Variants in PHACTR1 observed in about 807,000 individuals in gnomAD.
PHACTR1 encodes the protein RPEL repeat containing 1.
PHACTR1 carries 16 observed loss-of-function variants against 69.2 expected under a neutral mutation model. That is an observed-to-expected ratio of 0.23 (90% CI 0.16 to 0.35). The LOEUF (loss-of-function observed/expected upper bound fraction) is 0.35. Among genes scored for constraint, PHACTR1 ranks in the 10% least tolerant of loss-of-function variants. The pLI is 1.00. For synonymous variants in PHACTR1, 312 were observed against 284.5 expected, an observed-to-expected ratio of 1.10 and a Z score of -0.97; for missense variants, 510 against 734.7, an observed-to-expected ratio of 0.69 and a Z score of 3.54.
At chr6:13,196,165 CAAG>C (rs754298009) in intron 7 of PHACTR1, among the ~76,000 whole-genome samples, 17 of 152,158 alleles carry the variant, frequency 1.1e-4, no homozygotes, top group Non-Finnish European at 2.2e-4. Flanking sequence ...ATTAGAAAGG[CAAG>C]AAGTAGTGTG....
In PHACTR1 at chr6:12,718,722, ACT is replaced by A. The variant is rs1418664842; in HGVS notation, c.-20_-19del. 2.2e-6 allele frequency: 3 copies of A among 1,385,654 alleles called. No homozygotes were observed. Among genetic ancestry groups the A allele is most frequent in the South Asian group, 2.8e-5 (2 of 72,060 alleles). 85.8% of individuals were successfully genotyped at this position (1,385,654 alleles called of 1,614,324 possible). On this transcript the variant is annotated 5_prime_UTR_variant, in exon 3 of 15. Transcript: ENST00000332995. ...AGGTGTTCCAGTGTTTTCTCTCAAAACTCTGTGTTTGGAACATCAAGGATGGA... is the reference window on the plus strand; with the variant it reads ...AGGTGTTCCAGTGTTTTCTCTCAAAACTGTGTTTGGAACATCAAGGATGGA...
chr6:13,211,456 C>T (rs1411334250), intron 8 of PHACTR1, among the ~76,000 whole-genome samples: 3 of 152,104 alleles, frequency 2.0e-5, no homozygotes, highest in Non-Finnish European at 2.9e-5. Flanking sequence ...GATCTTAATT[C>T]GGCTGATCTC....
chr6:12,730,414 T>C (rs1326744415), intron 3 of PHACTR1, among the ~76,000 whole-genome samples: 1 of 152,140 alleles, frequency 6.6e-6, no homozygotes, highest in African/African-American at 2.4e-5. Flanking sequence ...TGGCTTGTAT[T>C]TTTATAATAA....
At chr6:12,764,994 CT>C (rs1176816242) in intron 4 of PHACTR1, among the ~76,000 whole-genome samples, 1 of 152,024 alleles carries the variant, frequency 6.6e-6, no homozygotes. Flanking sequence ...AGTTTATTAT[CT>C]TTCTGAATGG....
intron 4 of PHACTR1, among the ~76,000 whole-genome samples, chr6:12,945,862 G>T (rs1582633280): frequency 6.6e-6 from 1 of 152,102 alleles, no homozygotes; most frequent in Non-Finnish European, 1.5e-5. Flanking sequence ...TACTCAGGAG[G>T]TTGAGGCAGG....
intron 4 of PHACTR1, among the ~76,000 whole-genome samples, chr6:12,931,876 C>G (rs570285136): frequency 3.0e-4 from 45 of 151,926 alleles, no homozygotes; most frequent in African/African-American, 9.9e-4. Context: ...CAGGCCAATA[C>G]CTTGGTACTC....
intron 5 of PHACTR1, among the ~76,000 whole-genome samples, chr6:13,136,375 A>G (rs1488934548): frequency 6.6e-6 from 1 of 152,178 alleles, no homozygotes; most frequent in Non-Finnish European, 1.5e-5. Flanking sequence ...TTTCTTCCAC[A>G]GCTTCCTCAC....
chr6:12,787,932 G>T (rs148866962), intron 4 of PHACTR1, among the ~76,000 whole-genome samples: 2 of 152,238 alleles, frequency 1.3e-5, no homozygotes, highest in African/African-American at 4.8e-5. Flanking sequence ...TGAGGCTGGC[G>T]GATCACCTGA....
Position 12,807,828 on chromosome 6 carries a change from G to C in PHACTR1, c.250+58038G>C, listed in dbSNP as rs557376438. On this transcript the variant is annotated intron_variant, in intron 4 of 14. Transcript: ENST00000332995. The stretch of plus-strand genomic sequence containing the variant: ...TATTTGTTACCCTGAACACCCAATA[G>C]CATTGTGATAGCTTTAAAGGCTGAA... Among the ~76,000 whole-genome samples, 6 of 152,256 alleles carry C rather than the reference G, an allele frequency of 3.9e-5. No homozygotes were observed. The East Asian group carries it at 1.2e-3, about 29-fold the overall frequency.
intron 4 of PHACTR1, among the ~76,000 whole-genome samples, chr6:12,816,802 A>C (rs907886683): frequency 2.0e-5 from 3 of 152,240 alleles, no homozygotes; most frequent in Admixed American, 2.0e-4. Flanking sequence ...TCCCATTTTG[A>C]GGAAGATGAC....
intron 10 of PHACTR1, among the ~76,000 whole-genome samples, chr6:13,231,043 G>GA (rs1262530298): frequency 4.2e-5 from 3 of 71,756 alleles, no homozygotes; most frequent in East Asian, 4.7e-4. Context: ...GAGAGAGAGA[G>GA]AAAGGAAGGA....
chr6:12,959,202 A>AAAAAAAAAG (rs1792352887), intron 4 of PHACTR1, among the ~76,000 whole-genome samples: 1 of 69,102 alleles, frequency 1.4e-5, no homozygotes, highest in Non-Finnish European at 2.7e-5. Flanking sequence ...AAAAGAAAAG[A>AAAAAAAAAG]AAAAAAAAAG....
chr6:12,893,153 ACT>A (rs2127471147), intron 4 of PHACTR1, among the ~76,000 whole-genome samples: 1 of 152,168 alleles, frequency 6.6e-6, no homozygotes, highest in South Asian at 2.1e-4. Context: ...TACAAACATG[ACT>A]CTCTGATTCT....
chr6:13,277,158 A>G (rs926303409), intron 11 of PHACTR1, among the ~76,000 whole-genome samples: 3 of 152,240 alleles, frequency 2.0e-5, no homozygotes, highest in Non-Finnish European at 4.4e-5. Context: ...CAGGTCATCC[A>G]GTTAGCTTAA....
intron 5 of PHACTR1, among the ~76,000 whole-genome samples, chr6:13,073,207 A>G (rs1809804925): frequency 7.2e-6 from 1 of 139,132 alleles, no homozygotes; most frequent in Non-Finnish European, 1.5e-5. Flanking sequence ...TACAAATGGT[A>G]TCTGATAACA....
At chr6:13,073,885 T>C (rs966521881) in intron 5 of PHACTR1, among the ~76,000 whole-genome samples, 1 of 151,686 alleles carries the variant, frequency 6.6e-6, no homozygotes, top group African/African-American at 2.4e-5. Flanking sequence ...TTTTTTTTTT[T>C]TTTCTGAGAT....
Position 13,227,991 on chromosome 6 carries a change from T to C in PHACTR1, c.1162T>C (p.Ser388Pro), listed in dbSNP as rs760440329. Residue 388 changes from serine (S) to proline (P), a missense_variant, in exon 9 of 15, where the codon TCT (serine) becomes CCT (proline). This residue lies in a region of PHACTR1 where 419 missense variants were observed against 530.9 expected (regional missense o/e 0.79). Transcript: ENST00000332995. ...GCCTCATGAGTCAGACTACGAAGAC[T>C]CTTCTTGCCTGTATACAAGAGAAGA... is the stretch of plus-strand genomic sequence containing the variant. ...NVPHESDYEDSSCLYTREEEE... is the reference protein window; with the variant it reads ...NVPHESDYEDPSCLYTREEEE... 7.4e-6 allele frequency: 12 copies of C among 1,613,984 alleles called. No homozygotes were observed. The highest frequency in any genetic ancestry group is 1.0e-5 in the Non-Finnish European group (12 of 1,179,898).
chr6:13,151,481 TC>T (rs1211190439), intron 5 of PHACTR1, among the ~76,000 whole-genome samples: 1 of 152,168 alleles, frequency 6.6e-6, no homozygotes, highest in East Asian at 1.9e-4. Context: ...TCTAGAAAAA[TC>T]CTTATACATG....
chr6:13,132,383 A>C (rs1394875581), intron 5 of PHACTR1, among the ~76,000 whole-genome samples: 3 of 152,142 alleles, frequency 2.0e-5, no homozygotes, highest in Admixed American at 2.0e-4. Context: ...TCAGCTTATC[A>C]GCTTTCTCTA....
Sources: allele counts gnomAD v4.1 joint callset (sites outside exome capture counted in the v4.1 genomes callset), GRCh38; gene constraint gnomAD v4.1.1; regional missense constraint gnomAD v4.1.1; transcripts MANE v1.5; gene names NCBI Gene and HGNC (gene_info 2026-07-23, HGNC 2026-07-21).